KALRN: variants seen among roughly 807,000 people sequenced by gnomAD.
The protein encoded by KALRN is kalirin RhoGEF kinase.
KALRN carries 70 observed loss-of-function variants against 353.7 expected under a neutral mutation model. The ratio of observed to expected loss-of-function variants is 0.20; its 90% CI spans 0.16 to 0.24. KALRN has a LOEUF of 0.24. Among genes scored for constraint, KALRN ranks in the 10% least tolerant of loss-of-function variants. The pLI, the probability that KALRN is intolerant of heterozygous loss-of-function variation, is 1.00. For missense variants in KALRN, 2,791 were observed against 3,756.7 expected, an observed-to-expected ratio of 0.74 and a Z score of 6.72; for synonymous variants, 1,391 against 1,434.8, an observed-to-expected ratio of 0.97 and a Z score of 0.69.
intron 34 of KALRN, among the ~76,000 whole-genome samples, chr3:124,611,053 G>A (rs1255579634): frequency 6.6e-6 from 1 of 152,052 alleles, no homozygotes; most frequent in Non-Finnish European, 1.5e-5. Flanking sequence ...CAGTTGGCTA[G>A]ATGGCAGTAA....
chr3:124,518,357 A>C, intron 33 of KALRN: 17 of 1,573,172 alleles, frequency 1.1e-5, no homozygotes, highest in Non-Finnish European at 1.5e-5. Flanking sequence ...AGATTTTTGC[A>C]AAGTTATATG....
intron 37 of KALRN, among the ~76,000 whole-genome samples, chr3:124,642,814 T>TTGTTGTTGTTTTTTTTTTTGTTG (rs1295983829): frequency 8.8e-5 from 9 of 102,208 alleles, no homozygotes; most frequent in Admixed American, 1.1e-4. Context: ...TCGTTTTTTT[T>TTGTTGTTGTTTTTTTTTTTGTTG]TTTTTTTTTT....
intron 1 of KALRN, among the ~76,000 whole-genome samples, chr3:124,137,665 C>G (rs1010701970): frequency 6.6e-6 from 1 of 152,082 alleles, no homozygotes; most frequent in African/African-American, 2.4e-5. Flanking sequence ...CCAAGGAGTC[C>G]TTACACGCAA....
At chr3:124,043,398 G>A (rs2040143658) in intron 1 of KALRN, among the ~76,000 whole-genome samples, 1 of 152,216 alleles carries the variant, frequency 6.6e-6, no homozygotes, top group East Asian at 1.9e-4. Flanking sequence ...CAGGCATGAG[G>A]AAGAGACTTA....
chr3:124,254,782 C>T (rs1383313526), intron 3 of KALRN, among the ~76,000 whole-genome samples: 1 of 152,218 alleles, frequency 6.6e-6, no homozygotes, highest in Admixed American at 6.5e-5. Context: ...GAGGTCCTCA[C>T]GATTTAGAGG....
intron 34 of KALRN, among the ~76,000 whole-genome samples, chr3:124,592,309 CAAAAA>C (rs10575664): frequency 0.16 from 19,821 of 120,886 alleles, 1,241 homozygotes; most frequent in South Asian, 0.21. Context: ...CTCAAAGAAA[CAAAAA>C]AAAAAAAAAA....
chr3:124,372,187 A>C (rs990874490), intron 10 of KALRN, among the ~76,000 whole-genome samples: 5 of 152,130 alleles, frequency 3.3e-5, no homozygotes, highest in Non-Finnish European at 5.9e-5. Context: ...TCTTCATTGG[A>C]GTAATTTCTA....
At chr3:124,483,750 G>A (rs1384107116) in intron 28 of KALRN, among the ~76,000 whole-genome samples, 1 of 152,180 alleles carries the variant, frequency 6.6e-6, no homozygotes, top group Non-Finnish European at 1.5e-5. Flanking sequence ...GTTCTCGCAT[G>A]TTAGGGGTTC....
At chr3:124,049,028 G>T (rs144895316) in intron 1 of KALRN, among the ~76,000 whole-genome samples, 2,820 of 152,300 alleles carry the variant, frequency 0.019, 33 homozygotes, top group Middle Eastern at 0.044. Context: ...GAGAGAGGAA[G>T]AACAACCAGT....
intron 9 of KALRN, among the ~76,000 whole-genome samples, chr3:124,346,666 A>G (rs987613604): frequency 1.6e-4 from 24 of 152,154 alleles, no homozygotes; most frequent in African/African-American, 5.8e-4. Flanking sequence ...TAGGAAGGGG[A>G]GTCCCCGGAG....
chr3:124,426,400 G>A (rs1458886230), intron 15 of KALRN, among the ~76,000 whole-genome samples: 1 of 152,096 alleles, frequency 6.6e-6, no homozygotes, highest in East Asian at 1.9e-4. Context: ...GGGCAGAGAG[G>A]GAGAGGACAG....
chr3:124,300,388 G>A (rs907278831), intron 6 of KALRN, among the ~76,000 whole-genome samples: 2 of 152,168 alleles, frequency 1.3e-5, no homozygotes, highest in Non-Finnish European at 2.9e-5. Flanking sequence ...CCCATCCCTA[G>A]CTTGTAGGAG....
chr3:124,707,537 C>T (rs1053194784), intron 57 of KALRN, among the ~76,000 whole-genome samples: 1 of 151,782 alleles, frequency 6.6e-6, no homozygotes, highest in African/African-American at 2.4e-5. Flanking sequence ...AGCTTTGATA[C>T]AAGTGTGGGC....
rs10626550 is a variant in KALRN at position 124,235,629 on chromosome 3, A to ATGTG, written c.263+691_263+694dup. 0.042 allele frequency among the ~76,000 whole-genome samples: 6,447 copies of ATGTG among 152,138 alleles called. 748 individuals are homozygous for ATGTG. In the East Asian group the frequency reaches 0.46, roughly 11 times the overall value. On this transcript the variant is annotated intron_variant, in intron 3 of 59. Transcript: ENST00000682506. Reference sequence around the variant, plus strand: ...GCTTAGGGAAAGGGGCTGACAGGGGATGTGTGTGGTTCACAAGGGTCAGTG... The same window carrying ATGTG: ...GCTTAGGGAAAGGGGCTGACAGGGGATGTGTGTGTGTGGTTCACAAGGGTCAGTG...
chr3:124,196,668 C>G (rs996903126), intron 1 of KALRN, among the ~76,000 whole-genome samples: 1 of 152,132 alleles, frequency 6.6e-6, no homozygotes, highest in African/African-American at 2.4e-5. Context: ...AAAAATAAAG[C>G]GTACACACTT....
intron 6 of KALRN, among the ~76,000 whole-genome samples, chr3:124,324,240 C>T (rs774585873): frequency 3.3e-5 from 5 of 152,200 alleles, no homozygotes; most frequent in African/African-American, 4.8e-5. Flanking sequence ...ATAATTGTCT[C>T]AAGGTCTGCT....
At chr3:124,403,556 G>T (rs1265746578) in intron 13 of KALRN, among the ~76,000 whole-genome samples, 2 of 152,164 alleles carry the variant, frequency 1.3e-5, no homozygotes, top group Non-Finnish European at 2.9e-5. Flanking sequence ...AATCTATGGG[G>T]TTCATGTAAA....
chr3:124,234,811 T>C lies in KALRN; in HGVS notation c.149-18T>C. On this transcript the variant is annotated intron_variant, in intron 2 of 59. Coordinates refer to ENST00000682506, the MANE Select transcript of KALRN (RefSeq NM_001388419.1). ...TGACTGGTTTTCTTAAACACTCTTCTCTTCCTCCTTCTTGCAGGGGGTCGT... is the reference window on the plus strand; with the variant it reads ...TGACTGGTTTTCTTAAACACTCTTCCCTTCCTCCTTCTTGCAGGGGGTCGT... 1 of 1,560,040 alleles carries C rather than the reference T, an allele frequency of 6.4e-7. No individual in the cohort carries two copies. Among genetic ancestry groups the C allele is most frequent in the South Asian group, 1.2e-5 (1 of 85,410 alleles).
intron 34 of KALRN, among the ~76,000 whole-genome samples, chr3:124,625,797 G>A (rs534383504): frequency 1.0e-3 from 157 of 152,194 alleles, no homozygotes; most frequent in African/African-American, 3.6e-3. Context: ...CAATTAACAT[G>A]AGGCTGGGCA....
Sources: gnomAD v4.1 joint callset for allele counts (sites outside exome capture counted in the v4.1 genomes callset) on GRCh38, gnomAD v4.1.1 for gene constraint, MANE v1.5 for transcripts, NCBI Gene and HGNC (gene_info 2026-07-23, HGNC 2026-07-21) for gene names.